Variants in AGTPBP1 observed in about 807,000 individuals in gnomAD.
AGTPBP1 encodes ATP/GTP binding carboxypeptidase 1, also known as cytosolic carboxypeptidase 1.
Under a neutral mutation model 143.9 loss-of-function variants are expected in AGTPBP1, and 70 were observed. That is an observed-to-expected ratio of 0.49 (90% CI 0.40 to 0.59). The LOEUF is 0.59. AGTPBP1 is among the 20% of genes least tolerant of loss of function. The pLI is 0.00. For missense variants in AGTPBP1, 1,229 were observed against 1,464.5 expected (o/e 0.84, Z 2.62); for synonymous variants, 463 against 500.2 (o/e 0.93, Z 0.99).
At chr9:85,592,287 G>A (rs766914132) in intron 19 of AGTPBP1, among the ~76,000 whole-genome samples, 1 of 151,650 alleles carries the variant, frequency 6.6e-6, no homozygotes. Context: ...AAAAATAAGA[G>A]CTACATTCCC....
At chr9:85,803,008 A>G in the AGTPBP1 span, among the ~76,000 whole-genome samples, 1 of 152,252 alleles carries the variant, frequency 6.6e-6, no homozygotes, top group African/African-American at 2.4e-5. Flanking sequence ...AGACTAAATT[A>G]TGATGGACAA....
upstream of AGTPBP1, among the ~76,000 whole-genome samples, chr9:85,746,746 C>G (rs992221221): frequency 1.3e-5 from 2 of 151,716 alleles, no homozygotes; most frequent in African/African-American, 4.8e-5. Context: ...ATTTCAGGTA[C>G]TCTTACCACA....
In AGTPBP1 at chr9:85,741,312, C is replaced by T. The variant is rs898028709; in HGVS notation, c.-34+463G>A. On this transcript the variant is annotated intron_variant, in intron 1 of 25. Coordinates refer to ENST00000357081, the MANE Select transcript of AGTPBP1 (RefSeq NM_001330701.2). ...GTCGGGAACGCTAGAATTCTCGAAG[C>T]ACAGGGGCCCGCGATTCAGCGGCCC... The T allele has an allele frequency of 5.1e-6, 5 of 985,326 alleles. No individual in the cohort carries two copies. In the African/African-American group the frequency reaches 8.7e-5, roughly 17 times the overall value. The allele number at this position is 985,326 out of a possible 1,614,324, so 61.0% of individuals were successfully genotyped here.
chr9:85,561,531 C>T (rs1237993122), intron 25 of AGTPBP1, among the ~76,000 whole-genome samples: 1 of 152,066 alleles, frequency 6.6e-6, no homozygotes, highest in East Asian at 1.9e-4. Flanking sequence ...CCTAGATTCT[C>T]CAGCCACTGA....
intron 12 of AGTPBP1, among the ~76,000 whole-genome samples, chr9:85,644,246 A>T (rs149270104): frequency 0.013 from 2,007 of 152,012 alleles, 36 homozygotes; most frequent in Middle Eastern, 0.038. Flanking sequence ...TTAATATGTA[A>T]TTTAATCTCT....
At chr9:85,776,756 C>T in the AGTPBP1 span, among the ~76,000 whole-genome samples, 1 of 152,086 alleles carries the variant, frequency 6.6e-6, no homozygotes, top group South Asian at 2.1e-4. Context: ...CTCCTGTTGG[C>T]AGTGTTCCTT....
At chr9:85,551,180 A>C (rs1300875094) in intron 25 of AGTPBP1, among the ~76,000 whole-genome samples, 1 of 152,138 alleles carries the variant, frequency 6.6e-6, no homozygotes, top group Non-Finnish European at 1.5e-5. Flanking sequence ...CTGCAGAACC[A>C]CCAGCCAATT....
chr9:85,608,166 G>A (rs1338587337), intron 17 of AGTPBP1, among the ~76,000 whole-genome samples: 1 of 151,986 alleles, frequency 6.6e-6, no homozygotes, highest in Non-Finnish European at 1.5e-5. Context: ...CAACAGAATT[G>A]GGGTTGAAAT....
chr9:85,693,654 G>A (rs148229612), intron 2 of AGTPBP1, among the ~76,000 whole-genome samples: 35 of 152,146 alleles, frequency 2.3e-4, no homozygotes, highest in African/African-American at 7.5e-4. Flanking sequence ...TCAATATAGT[G>A]TAAACAAAAC....
intron 25 of AGTPBP1, among the ~76,000 whole-genome samples, chr9:85,573,525 C>T (rs1564021536): frequency 1.3e-5 from 2 of 152,062 alleles, no homozygotes; most frequent in South Asian, 4.1e-4. Flanking sequence ...CTGGCCGCCA[C>T]CCCGTCTGGG....
At chr9:85,622,258 G>C (rs1163602450) in intron 14 of AGTPBP1, among the ~76,000 whole-genome samples, 1 of 152,198 alleles carries the variant, frequency 6.6e-6, no homozygotes, top group Admixed American at 6.5e-5. Context: ...GGGTGAGAAA[G>C]TGTACCAAAA....
chr9:85,567,816 A>T (rs1827206131), intron 25 of AGTPBP1, among the ~76,000 whole-genome samples: 1 of 152,220 alleles, frequency 6.6e-6, no homozygotes, highest in African/African-American at 2.4e-5. Context: ...AGAAATTCCA[A>T]TACAGGAATT....
chr9:85,638,598 A>C (rs1025735779), intron 13 of AGTPBP1, among the ~76,000 whole-genome samples: 1 of 152,006 alleles, frequency 6.6e-6, no homozygotes, highest in Non-Finnish European at 1.5e-5. Context: ...ACGCTGTTTA[A>C]AAAATACACA....
At chr9:85,654,746 G>A (rs1833386330) in intron 11 of AGTPBP1, among the ~76,000 whole-genome samples, 1 of 151,976 alleles carries the variant, frequency 6.6e-6, no homozygotes. Context: ...AGGAGGCTGA[G>A]GCAGGAGAAT....
intron 19 of AGTPBP1, among the ~76,000 whole-genome samples, chr9:85,590,550 G>A (rs535208797): frequency 9.2e-5 from 14 of 152,196 alleles, no homozygotes; most frequent in African/African-American, 3.1e-4. Context: ...ACTATTGACT[G>A]AGTGGTCACT....
intron 8 of AGTPBP1, among the ~76,000 whole-genome samples, chr9:85,664,371 C>A (rs1271998607): frequency 6.6e-6 from 1 of 152,114 alleles, no homozygotes; most frequent in Non-Finnish European, 1.5e-5. Flanking sequence ...CATTTTACAA[C>A]CGTGTTGGTG....
rs148662130 is a variant in AGTPBP1, at chr9:85,607,025, A to G, written c.2336-10576T>C. On this transcript the variant is annotated intron_variant, in intron 17 of 25. Coordinates refer to ENST00000357081, the MANE Select transcript of AGTPBP1 (RefSeq NM_001330701.2). ...GTGACTATCAGTAACAATATATTGT[A>G]TATTTCAAAATGGCTAGATGAGAGG... Among the ~76,000 whole-genome samples the G allele has an allele frequency of 4.9e-3, 752 of 152,128 alleles. 6 individuals are homozygous for G. The highest frequency in any genetic ancestry group is 0.017 in the African/African-American group (726 of 41,526).
chr9:85,692,690 T>C lies in AGTPBP1; in HGVS notation c.156A>G (p.Gln52=). ...TSKILHLAQS[Q]EKTRREMTAK... is the part of the protein sequence containing the mutation. ...AACAAAGAAGAGATCAATGTTTACC[T>C]TGACTCTGAGCCAGATGAAGAATTT... The change falls in exon 3 of 26, where the codon CAA becomes CAG. Residue 52 remains glutamine, a splice_region_variant and synonymous_variant. Transcript: ENST00000357081. The C allele has an allele frequency of 6.2e-7, 1 of 1,613,624 alleles. No homozygotes were observed. The highest frequency in any genetic ancestry group is 8.5e-7 in the Non-Finnish European group (1 of 1,179,878).
chr9:85,570,109 A>G (rs1228425107), intron 25 of AGTPBP1, among the ~76,000 whole-genome samples: 1 of 152,138 alleles, frequency 6.6e-6, no homozygotes, highest in East Asian at 1.9e-4. Context: ...ATGATAACTG[A>G]GACAGCTACT....
Sources: gnomAD v4.1 joint callset for allele counts (sites outside exome capture counted in the v4.1 genomes callset) on GRCh38, gnomAD v4.1.1 for gene constraint, MANE v1.5 for transcripts, NCBI Gene and HGNC (gene_info 2026-07-23, HGNC 2026-07-21) for gene names.